TANC1: variants seen among roughly 807,000 people sequenced by gnomAD.
TANC1 encodes the protein protein TANC1.
A neutral mutation model predicts 149.7 loss-of-function variants in TANC1; 77 were observed. The ratio of observed to expected loss-of-function variants is 0.51; its 90% CI spans 0.43 to 0.62. TANC1 has a LOEUF of 0.62. Among genes scored for constraint, TANC1 ranks in the 20% least tolerant of loss-of-function variants. The probability of loss-of-function intolerance (pLI) is 0.00; values close to 1 mark genes in which losing one functional copy is unlikely to be tolerated. For missense variants in TANC1, 1,985 were observed against 2,321.8 expected (o/e 0.85, Z 2.98); for synonymous variants, 854 against 925.0 (o/e 0.92, Z 1.39).
intron 7 of TANC1, among the ~76,000 whole-genome samples, chr2:159,155,076 C>T (rs1321453279): frequency 6.6e-6 from 1 of 152,048 alleles, no homozygotes; most frequent in Non-Finnish European, 1.5e-5. Context: ...TGTGTGAAAA[C>T]CAATCTGATT....
Position 159,103,766 on chromosome 2 carries a change from C to A in TANC1, c.259+5932C>A, listed in dbSNP as rs115870974. Among the ~76,000 whole-genome samples the A allele has an allele frequency of 2.6e-3, 248 of 96,834 alleles. 64 individuals carry two copies. The highest frequency in any genetic ancestry group is 6.7e-3 in the African/African-American group (234 of 34,960). The allele number at this position is 96,834 out of a possible 152,430, so 63.5% of individuals were successfully genotyped here. On this transcript the variant is annotated intron_variant, in intron 4 of 26. Transcript: ENST00000263635. ...CAAAGACCCCTTGGTCATTAGGGAACTTGTCCAAAATTCATACAAGTTATT... is the reference window on the plus strand; with the variant it reads ...CAAAGACCCCTTGGTCATTAGGGAAATTGTCCAAAATTCATACAAGTTATT...
intron 2 of TANC1, 103 bp from the exon 3 acceptor site, chr2:159,065,775 GGGTACCTTAATATTAAGC>G: frequency 1.5e-6 from 1 of 677,268 alleles, no homozygotes; most frequent in East Asian, 2.8e-5. Flanking sequence ...GTAAGGCTTA[GGGTACCTTAATATTAAGC>G]GGTCTGTTTG....
rs2057872606 is a variant in TANC1 at position 159,196,611 on chromosome 2, G to A, written c.2983G>A (p.Asp995Asn). Residue 995 changes from aspartate to asparagine, a missense_variant, in exon 18 of 27, where the codon GAC becomes AAC. Transcript: ENST00000263635. ...CLLTKKGVRV[D>N]HLDKKGQCAL... Reference sequence around the variant, plus strand: ...CTTCCCCTACTCCTGCCCCCAGGTGGACCACTTGGATAAGAAGGGCCAGTG... The same window carrying A: ...CTTCCCCTACTCCTGCCCCCAGGTGAACCACTTGGATAAGAAGGGCCAGTG... The A allele has an allele frequency of 1.3e-6, 2 of 1,596,802 alleles. No individual in the cohort carries two copies. The highest frequency in any genetic ancestry group is 3.5e-5 in the Admixed American group (2 of 57,608).
In TANC1 at chr2:159,178,565, A is replaced by C. The variant is rs768526084; in HGVS notation, c.1912A>C (p.Ser638Arg). Reference sequence around the variant, plus strand: ...TTGTTTTCTCCCCCAGGAAATCATAAGTGCGCTGCCATTTGTCAAGCTTTC... The same window carrying C: ...TTGTTTTCTCCCCCAGGAAATCATACGTGCGCTGCCATTTGTCAAGCTTTC... ...TVRANFQEII[S>R]ALPFVKLSLD... is the part of the protein sequence containing the mutation. The change falls in exon 14 of 27, where the codon AGT becomes CGT. Residue 638 changes from serine (S) to arginine (R), a missense_variant. Transcript: ENST00000263635. 5.6e-5 allele frequency: 88 copies of C among 1,566,774 alleles called. No individual in the cohort carries two copies. The highest frequency in any genetic ancestry group is 9.8e-5 in the Admixed American group (5 of 51,244).
At chr2:159,187,403 A>G (rs986082533) in intron 16 of TANC1, among the ~76,000 whole-genome samples, 5 of 152,224 alleles carry the variant, frequency 3.3e-5, no homozygotes, top group Admixed American at 2.0e-4. Flanking sequence ...GAAATTAAGC[A>G]TGGATGGGTG....
chr2:159,128,470 C>A (rs1352512904), intron 4 of TANC1, among the ~76,000 whole-genome samples: 1 of 152,192 alleles, frequency 6.6e-6, no homozygotes, highest in East Asian at 1.9e-4. Flanking sequence ...GGATGGATGC[C>A]AGGCTGTGTT....
chr2:159,023,209 C>T (rs1180369157), intron 2 of TANC1, among the ~76,000 whole-genome samples: 1 of 151,848 alleles, frequency 6.6e-6, no homozygotes, highest in Non-Finnish European at 1.5e-5. Flanking sequence ...TAGGAGTTGT[C>T]CAGGTGGAAT....
intron 7 of TANC1, among the ~76,000 whole-genome samples, chr2:159,162,734 C>T (rs1003023453): frequency 3.9e-5 from 6 of 152,112 alleles, no homozygotes; most frequent in African/African-American, 1.4e-4. Context: ...AAGTCAGTCT[C>T]TCTGGATCAT....
rs546371537 is a variant in TANC1, at chr2:158,998,254, A to C, written c.-125-2826A>C. ...GAGTGAGACCCTGTCTCAAAAAAAA[A>C]AAGAAAAAAGTTAAAAGAAATGTAC... On this transcript the variant is annotated intron_variant, in intron 1 of 26. Coordinates refer to ENST00000263635, the MANE Select transcript of TANC1 (RefSeq NM_033394.3). Among the ~76,000 whole-genome samples the C allele has an allele frequency of 7.2e-5, 11 of 152,196 alleles. No individual in the cohort carries two copies. In the South Asian group the frequency reaches 2.3e-3, roughly 32 times the overall value.
chr2:159,123,585 T>A (rs62171087), intron 4 of TANC1, among the ~76,000 whole-genome samples: 5,534 of 152,274 alleles, frequency 0.036, 200 homozygotes, highest in African/African-American at 0.091. Context: ...AATGGAATTC[T>A]GTGGTAGCCA....
intron 16 of TANC1, 37 bp from the exon 17 acceptor site, chr2:159,194,220 A>G (rs1248647043): frequency 1.3e-6 from 2 of 1,538,896 alleles, no homozygotes; most frequent in African/African-American, 2.7e-5. Context: ...TAGATGACAT[A>G]CATGTGACAA....
intron 4 of TANC1, among the ~76,000 whole-genome samples, chr2:159,125,247 C>G (rs931710387): frequency 6.6e-6 from 1 of 152,292 alleles, no homozygotes; most frequent in East Asian, 1.9e-4. Context: ...CCAGCTTTGT[C>G]CTTTTCAGGA....
At chr2:159,222,340 A>G (rs1054416559) in intron 22 of TANC1, among the ~76,000 whole-genome samples, 25 of 152,234 alleles carry the variant, frequency 1.6e-4, no homozygotes, top group Non-Finnish European at 3.2e-4. Flanking sequence ...TTGTACAACC[A>G]GTATCCAGAA....
At chr2:159,120,710 G>A (rs2048762480) in intron 4 of TANC1, among the ~76,000 whole-genome samples, 1 of 152,096 alleles carries the variant, frequency 6.6e-6, no homozygotes, top group African/African-American at 2.4e-5. Flanking sequence ...AAGCTCAAGT[G>A]ATCCTCCCAC....
intron 5 of TANC1, among the ~76,000 whole-genome samples, chr2:159,144,615 G>C: frequency 6.6e-6 from 1 of 152,128 alleles, no homozygotes. Context: ...TGATCCACTC[G>C]AACATCTGAT....
intron 14 of TANC1, 42 bp downstream of exon 14, chr2:159,179,205 G>T (rs199772651): frequency 1.3e-5 from 21 of 1,568,016 alleles, no homozygotes; most frequent in Non-Finnish European, 1.7e-5. Flanking sequence ...AGGGAATCTC[G>T]TGTGCAGTTG....
At chr2:159,179,207 G>T in intron 14 of TANC1, 44 bp downstream of exon 14, 1 of 1,566,532 alleles carries the variant, frequency 6.4e-7, no homozygotes. Flanking sequence ...GGAATCTCGT[G>T]TGCAGTTGGG....
At chr2:159,169,041 T>G (rs2054901399) in intron 8 of TANC1, among the ~76,000 whole-genome samples, 1 of 152,170 alleles carries the variant, frequency 6.6e-6, no homozygotes, top group Non-Finnish European at 1.5e-5. Context: ...CAACATAACT[T>G]TAAGAAAAAG....
intron 8 of TANC1, among the ~76,000 whole-genome samples, chr2:159,167,468 G>C (rs1220115478): frequency 1.3e-5 from 2 of 152,176 alleles, no homozygotes; most frequent in African/African-American, 4.8e-5. Flanking sequence ...CGCTGTCCTT[G>C]GATTACCGTA....
Sources: gnomAD v4.1 joint callset for allele counts (sites outside exome capture counted in the v4.1 genomes callset) on GRCh38, gnomAD v4.1.1 for gene constraint, MANE v1.5 for transcripts, NCBI Gene and HGNC (gene_info 2026-07-23, HGNC 2026-07-21) for gene names.